The following PDSS2 variants were observed in gnomAD, a reference collection of about 807,000 sequenced individuals.
PDSS2 encodes the protein decaprenyl diphosphate synthase subunit 2.
A neutral mutation model predicts 44.5 loss-of-function variants in PDSS2; 31 were observed. The observed-to-expected ratio is 0.70, with a 90% CI of 0.52 to 0.94. The LOEUF (loss-of-function observed/expected upper bound fraction) is 0.94. Among genes scored for constraint, PDSS2 ranks in the 40% least tolerant of loss-of-function variants. The pLI, the probability that PDSS2 is intolerant of heterozygous loss-of-function variation, is 0.00. For missense variants in PDSS2, 452 were observed against 482.2 expected (o/e 0.94, Z 0.59); for synonymous variants, 157 against 180.3 (o/e 0.87, Z 1.03).
intron 4 of PDSS2, among the ~76,000 whole-genome samples, chr6:107,222,836 T>C (rs12191399): frequency 0.76 from 115,920 of 151,764 alleles, 45,036 homozygotes; most frequent in East Asian, 0.99. Flanking sequence ...CTGGGTGTGG[T>C]GGCTCATACC....
chr6:107,451,468 A>G lies in PDSS2; in HGVS notation c.296+7522T>C, dbSNP rs375128166. On this transcript the variant is annotated intron_variant, in intron 1 of 7. Coordinates refer to ENST00000369037, the MANE Select transcript of PDSS2 (RefSeq NM_020381.4). ...CGCACCACAAATCTAAGCCCAGGGC[A>G]TAAAACCCCTTGTGGCTTTGATGGA... Among the ~76,000 whole-genome samples the G allele has an allele frequency of 5.3e-5, 8 of 152,250 alleles. No individual in the cohort carries two copies. The East Asian group carries it at 1.2e-3, about 22-fold the overall frequency.
intron 1 of PDSS2, among the ~76,000 whole-genome samples, chr6:107,336,005 C>CGGGGTGGGG (rs1180103837): frequency 2.1e-5 from 1 of 47,468 alleles, no homozygotes; most frequent in Non-Finnish European, 4.1e-5. Flanking sequence ...GGCTCATGCC[C>CGGGGTGGGG]GGGGTGGGGG....
Position 107,231,026 on chromosome 6 carries a change from T to C in PDSS2, c.702+14522A>G, listed in dbSNP as rs1047352872. Reference sequence around the variant, plus strand: ...GAGTTTGAGACCAGCCTGGGCAAGATGGTAAGACCCCATCTCTATTTAAAT... The same window carrying C: ...GAGTTTGAGACCAGCCTGGGCAAGACGGTAAGACCCCATCTCTATTTAAAT... On this transcript the variant is annotated intron_variant, in intron 4 of 7. Transcript: ENST00000369037. Among the ~76,000 whole-genome samples the C allele has an allele frequency of 4.6e-5, 7 of 152,182 alleles. No homozygotes were observed. In the South Asian group the frequency reaches 1.5e-3, roughly 32 times the overall value.
intron 4 of PDSS2, among the ~76,000 whole-genome samples, chr6:107,219,871 G>C (rs1008846160): frequency 6.6e-6 from 1 of 152,178 alleles, no homozygotes; most frequent in African/African-American, 2.4e-5. Context: ...AGATGTGTGC[G>C]TGTGTTTTAA....
intron 1 of PDSS2, among the ~76,000 whole-genome samples, chr6:107,361,744 A>AT (rs1288948393): frequency 2.0e-5 from 3 of 152,214 alleles, no homozygotes; most frequent in Admixed American, 2.0e-4. Context: ...CTCCCTCAAA[A>AT]TGCAACTATA....
intron 1 of PDSS2, among the ~76,000 whole-genome samples, chr6:107,339,597 G>A (rs1778015344): frequency 6.6e-6 from 1 of 152,104 alleles, no homozygotes; most frequent in African/African-American, 2.4e-5. Context: ...ATGCTACAAG[G>A]GAAAAAGAGC....
Position 107,212,100 on chromosome 6 carries a change from GC to G in PDSS2, c.876+8del. 4.3e-6 allele frequency: 7 copies of G among 1,611,170 alleles called. No individual in the cohort carries two copies. Among genetic ancestry groups the G allele is most frequent in the Non-Finnish European group, 5.9e-6 (7 of 1,177,354 alleles). On this transcript the variant is annotated splice_region_variant and intron_variant, in intron 5 of 7. Transcript: ENST00000369037. The stretch of plus-strand genomic sequence containing the variant: ...AGTACTGAAAAAAGATAAAGGGTGT[GC>G]AAAGTACCTTATGACTCATGGCCAT...
chr6:107,245,417 TCA>T (rs1774575704), intron 4 of PDSS2, 129 bp downstream of exon 4: 2 of 414,274 alleles, frequency 4.8e-6, no homozygotes, highest in Admixed American at 6.5e-5. Flanking sequence ...AAAACACTAA[TCA>T]AAAAAAAAAA....
At chr6:107,326,804 A>T (rs1005808883) in intron 2 of PDSS2, among the ~76,000 whole-genome samples, 1 of 151,818 alleles carries the variant, frequency 6.6e-6, no homozygotes, top group Non-Finnish European at 1.5e-5. Flanking sequence ...GTGAGCCGAG[A>T]TCATGCCATT....
chr6:107,314,456 C>T (rs1396726022), intron 2 of PDSS2, among the ~76,000 whole-genome samples: 1 of 152,080 alleles, frequency 6.6e-6, no homozygotes, highest in African/African-American at 2.4e-5. Context: ...GCGATGCAAG[C>T]CATATTTATT....
At chr6:107,337,056 C>G (rs966279273) in intron 1 of PDSS2, among the ~76,000 whole-genome samples, 3 of 150,762 alleles carry the variant, frequency 2.0e-5, no homozygotes, top group South Asian at 2.1e-4. Flanking sequence ...CACACACACA[C>G]ACACACACAC....
chr6:107,370,758 G>A (rs1779104799), intron 1 of PDSS2, among the ~76,000 whole-genome samples: 1 of 152,188 alleles, frequency 6.6e-6, no homozygotes. Context: ...CTCTTTTCAA[G>A]TGGCAGAAAG....
At chr6:107,420,646 A>C (rs1194758800) in intron 1 of PDSS2, among the ~76,000 whole-genome samples, 1 of 152,188 alleles carries the variant, frequency 6.6e-6, no homozygotes, top group Admixed American at 6.5e-5. Context: ...AATAAAATAG[A>C]AGCTTGACTT....
chr6:107,311,773 G>A (rs537664656), intron 2 of PDSS2, among the ~76,000 whole-genome samples: 1 of 152,260 alleles, frequency 6.6e-6, no homozygotes, highest in East Asian at 1.9e-4. Flanking sequence ...ACATTTCTAA[G>A]CTTGACTGTC....
intron 1 of PDSS2, among the ~76,000 whole-genome samples, chr6:107,339,954 T>A (rs1778029592): frequency 6.6e-6 from 1 of 151,438 alleles, no homozygotes; most frequent in African/African-American, 2.4e-5. Context: ...TCATTTATCA[T>A]CAGTGTAGAA....
chr6:107,279,776 T>G (rs932933406), intron 2 of PDSS2, among the ~76,000 whole-genome samples: 5 of 152,230 alleles, frequency 3.3e-5, no homozygotes, highest in Non-Finnish European at 7.3e-5. Context: ...AAATCTATCC[T>G]GTAATTTCAC....
Position 107,162,600 on chromosome 6 carries a change from G to T in PDSS2, c.1042-7823C>A, listed in dbSNP as rs1222823601. 3.3e-4 allele frequency among the ~76,000 whole-genome samples: 39 copies of T among 116,792 alleles called. 1 individual carries two copies. The highest frequency in any genetic ancestry group is 8.8e-4 in the Admixed American group (9 of 10,206). 76.6% of individuals were successfully genotyped at this position (116,792 alleles called of 152,430 possible). A position where few individuals can be genotyped will look rare whatever the true frequency, so the allele number is the denominator to read the frequency against. ...ACACTTTTTCTTTTTATTTTGTCAA[G>T]AATTCCCTAATTTTTTTTTTTTTTT... On this transcript the variant is annotated intron_variant, in intron 7 of 7. Coordinates refer to ENST00000369037, the MANE Select transcript of PDSS2 (RefSeq NM_020381.4).
At chr6:107,264,300 T>TC (rs1775341685) in intron 3 of PDSS2, 3 of 1,429,164 alleles carry the variant, frequency 2.1e-6, no homozygotes, top group Non-Finnish European at 2.8e-6. Flanking sequence ...TATTTACGCC[T>TC]TTAGGAAAAC....
intron 2 of PDSS2, among the ~76,000 whole-genome samples, chr6:107,330,545 C>T (rs763588062): frequency 6.6e-6 from 1 of 151,954 alleles, no homozygotes; most frequent in Admixed American, 6.6e-5. Flanking sequence ...AAAATATTCA[C>T]GTGAATTTCT....
Sources: gnomAD v4.1 joint callset for allele counts (sites outside exome capture counted in the v4.1 genomes callset) on GRCh38, gnomAD v4.1.1 for gene constraint, MANE v1.5 for transcripts, NCBI Gene and HGNC (gene_info 2026-07-23, HGNC 2026-07-21) for gene names.